The following LYRM4 variants were observed in gnomAD, a reference collection of about 807,000 sequenced individuals.
LYRM4 encodes LYR motif containing 4.
LYRM4 carries 9 observed loss-of-function variants against 11.7 expected under a neutral mutation model. The ratio of observed to expected loss-of-function variants is 0.77; its 90% CI spans 0.46 to 1.34. The LOEUF is 1.34. Among genes scored for constraint, LYRM4 ranks in the 40% most tolerant of loss-of-function variants. The pLI, the probability that LYRM4 is intolerant of heterozygous loss-of-function variation, is 0.00. For missense variants in LYRM4, 133 were observed against 112.5 expected, an observed-to-expected ratio of 1.18 and a Z score of -0.82; for synonymous variants, 42 against 40.4, an observed-to-expected ratio of 1.04 and a Z score of -0.15.
At chr6:5,085,502 C>T in the LYRM4 span, 29 of 1,536,434 alleles carry the variant, frequency 1.9e-5, no homozygotes, top group Admixed American at 5.1e-4. Context: ...CCCATAGGGG[C>T]GCGGCTAAGT....
chr6:5,186,857 G>A (rs994254082), intron 2 of LYRM4: 6 of 479,136 alleles, frequency 1.3e-5, no homozygotes, highest in African/African-American at 4.2e-5. Context: ...GGTGGCGTGC[G>A]CCTATAATCC....
chr6:5,089,542 CAA>C, the LYRM4 span: 2 of 152,134 alleles, frequency 1.3e-5, no homozygotes, highest in African/African-American at 2.4e-5. Context: ...TGGACTCAAA[CAA>C]GAGAAATAGA....
At chr6:5,067,422 G>A in the LYRM4 span, among the ~76,000 whole-genome samples, 2 of 152,176 alleles carry the variant, frequency 1.3e-5, no homozygotes, top group African/African-American at 2.4e-5. Flanking sequence ...TCTTAAATCC[G>A]CTTCCAAGGA....
the LYRM4 span, among the ~76,000 whole-genome samples, chr6:5,074,000 A>AC: frequency 0.04 from 6,019 of 152,100 alleles, 278 homozygotes; most frequent in African/African-American, 0.11. Context: ...CTATTCCAAC[A>AC]CCACCAATGC....
the LYRM4 span, among the ~76,000 whole-genome samples, chr6:5,071,234 C>T: frequency 3.3e-5 from 5 of 152,164 alleles, no homozygotes; most frequent in South Asian, 1.0e-3. Context: ...AAGCTTCTTT[C>T]CTATCGTTCC....
chr6:5,178,669 C>T (rs1332003856), intron 2 of LYRM4, among the ~76,000 whole-genome samples: 2 of 150,612 alleles, frequency 1.3e-5, no homozygotes, highest in Admixed American at 6.6e-5. Flanking sequence ...AAAAATTAGC[C>T]GGGCCTGCAC....
intron 2 of LYRM4, among the ~76,000 whole-genome samples, chr6:5,111,026 T>C (rs1209766443): frequency 6.6e-6 from 1 of 152,188 alleles, no homozygotes; most frequent in Non-Finnish European, 1.5e-5. Flanking sequence ...CCTTCCCTTC[T>C]GGACAACCTG....
intron 2 of LYRM4, among the ~76,000 whole-genome samples, chr6:5,187,265 C>G (rs1760460605): frequency 6.6e-6 from 1 of 152,166 alleles, no homozygotes; most frequent in Non-Finnish European, 1.5e-5. Flanking sequence ...GTAAGTCGTT[C>G]AGTCCACATT....
chr6:5,260,540 G>T, intron 1 of LYRM4, 108 bp downstream of exon 1: 3 of 1,445,102 alleles, frequency 2.1e-6, no homozygotes, highest in African/African-American at 1.4e-5. Flanking sequence ...CGCAGCCGCC[G>T]GCAAACCACG....
At chr6:5,248,618 C>T (rs781448047) in intron 1 of LYRM4, among the ~76,000 whole-genome samples, 6 of 152,256 alleles carry the variant, frequency 3.9e-5, no homozygotes, top group Non-Finnish European at 8.8e-5. Flanking sequence ...TCCTGCCTCC[C>T]TTCCCCAGCT....
chr6:5,129,322 G>A (rs776244656), intron 2 of LYRM4, among the ~76,000 whole-genome samples: 1 of 152,208 alleles, frequency 6.6e-6, no homozygotes, highest in African/African-American at 2.4e-5. Flanking sequence ...TTCTCTTACA[G>A]TTATGGAGGC....
In LYRM4 at chr6:5,189,034, T is replaced by C. The variant is rs1760591748; in HGVS notation, c.207+27584A>G. 3.3e-5 allele frequency among the ~76,000 whole-genome samples: 5 copies of C among 152,352 alleles called. No homozygotes were observed. The South Asian group carries it at 1.0e-3, about 32-fold the overall frequency. On this transcript the variant is annotated intron_variant, in intron 2 of 2. Coordinates refer to ENST00000330636, the MANE Select transcript of LYRM4 (RefSeq NM_020408.6). The stretch of plus-strand genomic sequence containing the variant: ...TCTCAGCCTCCCAAAGTGCTGTGAT[T>C]ACAGCTGTGAGCCACTGCATGTGGC...
At chr6:5,111,467 C>A (rs1045907945) in intron 2 of LYRM4, among the ~76,000 whole-genome samples, 4 of 152,154 alleles carry the variant, frequency 2.6e-5, no homozygotes, top group African/African-American at 9.7e-5. Flanking sequence ...GAAACCTGTT[C>A]AAAAATGCAA....
At chr6:5,092,712 C>T in the LYRM4 span, among the ~76,000 whole-genome samples, 5 of 151,846 alleles carry the variant, frequency 3.3e-5, no homozygotes, top group East Asian at 3.9e-4. Context: ...ACAGAGACTC[C>T]GTCTCAAAAA....
At chr6:5,044,002 C>G in the LYRM4 span, among the ~76,000 whole-genome samples, 1 of 152,236 alleles carries the variant, frequency 6.6e-6, no homozygotes, top group Non-Finnish European at 1.5e-5. Context: ...CTGTGCGGCC[C>G]TGTGGTGTGG....
the LYRM4 span, among the ~76,000 whole-genome samples, chr6:5,055,116 A>G: frequency 5.9e-5 from 9 of 152,160 alleles, no homozygotes; most frequent in Non-Finnish European, 1.2e-4. The surrounding 1 kb of genome is among the most constrained non-coding windows in gnomAD (Gnocchi z 4.5). Flanking sequence ...CTTTCAACCA[A>G]TTGCCAGTCA....
chr6:5,194,207 G>A (rs1581478067), intron 2 of LYRM4, among the ~76,000 whole-genome samples: 1 of 152,120 alleles, frequency 6.6e-6, no homozygotes, highest in Non-Finnish European at 1.5e-5. Flanking sequence ...GAAAAGATAC[G>A]TTACCTCTTC....
At chr6:5,054,748 A>T in the LYRM4 span, among the ~76,000 whole-genome samples, 1 of 152,252 alleles carries the variant, frequency 6.6e-6, no homozygotes, top group South Asian at 2.1e-4. Context: ...ACCAACATTA[A>T]CATTGACTCA....
the LYRM4 span, among the ~76,000 whole-genome samples, chr6:5,098,212 G>T: frequency 6.6e-6 from 1 of 152,192 alleles, no homozygotes; most frequent in Non-Finnish European, 1.5e-5. Flanking sequence ...AACCCAGCCA[G>T]CTCCACACAT....
Sources: allele counts gnomAD v4.1 joint callset (sites outside exome capture counted in the v4.1 genomes callset), GRCh38; gene constraint gnomAD v4.1.1; non-coding constraint Gnocchi (gnomAD v3.1); transcripts MANE v1.5; gene names NCBI Gene and HGNC (gene_info 2026-07-23, HGNC 2026-07-21).